Variants in CSMD1 observed in about 807,000 individuals in gnomAD.
CSMD1 encodes CUB and Sushi multiple domains 1.
In CSMD1, 213 loss-of-function variants were observed where a neutral mutation model predicts 417.5. The observed-to-expected ratio is 0.51, with a 90% CI of 0.46 to 0.57. CSMD1 has a LOEUF of 0.57. Ranked by LOEUF, CSMD1 falls within the 20% of genes least tolerant of loss-of-function variation. The probability of loss-of-function intolerance (pLI) is 0.00; values close to 1 mark genes in which losing one functional copy is unlikely to be tolerated. For missense variants in CSMD1, 6,923 were observed against 4,529.7 expected (o/e 1.53, Z -15.17); for synonymous variants, 2,862 against 1,736.8 (o/e 1.65, Z -16.11).
At chr8:4,549,896 C>CAAAAAAAAAAAAAAAAAA in intron 2 of CSMD1, among the ~76,000 whole-genome samples, 1 of 88,654 alleles carries the variant, frequency 1.1e-5, no homozygotes, top group Non-Finnish European at 2.1e-5. Flanking sequence ...GACTTTGTCT[C>CAAAAAAAAAAAAAAAAAA]AAAAAAAAAA....
intron 7 of CSMD1, among the ~76,000 whole-genome samples, chr8:3,617,812 C>A (rs1445454311): frequency 6.6e-6 from 1 of 152,126 alleles, no homozygotes; most frequent in Non-Finnish European, 1.5e-5. Context: ...AGCTGATTTA[C>A]TATAGCGTAA....
At chr8:3,944,157 T>C (rs1811074330) in intron 5 of CSMD1, among the ~76,000 whole-genome samples, 1 of 152,160 alleles carries the variant, frequency 6.6e-6, no homozygotes, top group Non-Finnish European at 1.5e-5. Flanking sequence ...ACAGAATTTT[T>C]TTACTGTTTA....
intron 3 of CSMD1, among the ~76,000 whole-genome samples, chr8:4,032,386 A>G (rs930029030): frequency 3.3e-5 from 5 of 152,190 alleles, no homozygotes; most frequent in South Asian, 2.1e-4. Flanking sequence ...TGTCTGGATT[A>G]TATTTTTCTA....
In CSMD1 at chr8:3,857,801, C is replaced by T. The variant is rs531528936; in HGVS notation, c.819-103759G>A. Among the ~76,000 whole-genome samples the T allele has an allele frequency of 2.0e-3, 310 of 152,218 alleles. 1 individual carries two copies. Among genetic ancestry groups the T allele is most frequent in the Non-Finnish European group, 2.1e-3 (143 of 68,014 alleles). On this transcript the variant is annotated intron_variant, in intron 5 of 69. Coordinates refer to ENST00000635120, the MANE Select transcript of CSMD1 (RefSeq NM_033225.6). ...GCAATGGGGGAAAAGGATACAACAC[C>T]AGGCCAGAGTAGAAAAGAGCTTATT...
intron 10 of CSMD1, among the ~76,000 whole-genome samples, chr8:3,570,123 G>C (rs1585386454): frequency 6.6e-6 from 1 of 152,176 alleles, no homozygotes; most frequent in African/African-American, 2.4e-5. Context: ...TTTTGGACAA[G>C]TTTAAAAGTC....
At chr8:3,301,086 C>T (rs949311340) in intron 25 of CSMD1, among the ~76,000 whole-genome samples, 1 of 151,570 alleles carries the variant, frequency 6.6e-6, no homozygotes, top group Non-Finnish European at 1.5e-5. Context: ...AAGACATTTG[C>T]CATTGATGTC....
intron 41 of CSMD1, among the ~76,000 whole-genome samples, chr8:3,130,156 T>A (rs1025050495): frequency 1.3e-5 from 2 of 152,154 alleles, no homozygotes; most frequent in African/African-American, 4.8e-5. Context: ...AAGATCATGC[T>A]CATTAAAAAT....
chr8:4,557,685 A>G (rs778837003), intron 2 of CSMD1, among the ~76,000 whole-genome samples: 2 of 152,102 alleles, frequency 1.3e-5, no homozygotes, highest in Non-Finnish European at 2.9e-5. Flanking sequence ...GAAGAAAGGA[A>G]TAGAAGGAAG....
chr8:3,307,081 T>G (rs1168071759), intron 25 of CSMD1, among the ~76,000 whole-genome samples: 3 of 152,212 alleles, frequency 2.0e-5, no homozygotes, highest in Non-Finnish European at 4.4e-5. Context: ...CAAGTCTTTT[T>G]AAAATATGAC....
chr8:4,047,939 A>G (rs1798233368), intron 3 of CSMD1, among the ~76,000 whole-genome samples: 2 of 152,188 alleles, frequency 1.3e-5, no homozygotes, highest in African/African-American at 2.4e-5. Flanking sequence ...TGTTTTCCCA[A>G]AAATATAATG....
At chr8:3,472,051 C>G (rs1817135317) in intron 11 of CSMD1, among the ~76,000 whole-genome samples, 2 of 152,228 alleles carry the variant, frequency 1.3e-5, no homozygotes, top group South Asian at 4.1e-4. Context: ...TGCAACATGA[C>G]TCTACTGCTG....
At chr8:3,946,296 T>A (rs1811219365) in intron 5 of CSMD1, among the ~76,000 whole-genome samples, 1 of 152,154 alleles carries the variant, frequency 6.6e-6, no homozygotes, top group Non-Finnish European at 1.5e-5. Context: ...ATCTCCTCAG[T>A]GGAAGTGTTA....
intron 5 of CSMD1, among the ~76,000 whole-genome samples, chr8:3,809,251 C>T (rs924227696): frequency 1.3e-5 from 2 of 152,118 alleles, no homozygotes; most frequent in African/African-American, 2.4e-5. Flanking sequence ...GACTTCTGAC[C>T]AGCTGGGTCA....
chr8:4,439,615 G>A (rs1184374121), intron 2 of CSMD1, among the ~76,000 whole-genome samples: 1 of 152,060 alleles, frequency 6.6e-6, no homozygotes, highest in Non-Finnish European at 1.5e-5. Flanking sequence ...TTTGTTTTAA[G>A]GTAAAGTAAA....
At chr8:3,940,410 G>A (rs1166146521) in intron 5 of CSMD1, among the ~76,000 whole-genome samples, 4 of 151,688 alleles carry the variant, frequency 2.6e-5, no homozygotes, top group Non-Finnish European at 4.4e-5. Flanking sequence ...TGACAAAAAT[G>A]TTTATAATAT....
chr8:4,574,252 G>A (rs1015965990), intron 2 of CSMD1, among the ~76,000 whole-genome samples: 1 of 152,212 alleles, frequency 6.6e-6, no homozygotes, highest in South Asian at 2.1e-4. Flanking sequence ...CCCTGGTGGT[G>A]TAGGCATCTG....
chr8:3,735,410 C>A (rs1205591669), intron 6 of CSMD1, among the ~76,000 whole-genome samples: 2 of 152,140 alleles, frequency 1.3e-5, no homozygotes, highest in Non-Finnish European at 2.9e-5. Flanking sequence ...TTACAAAATC[C>A]TTAGATGATT....
Position 3,357,700 on chromosome 8 carries a change from A to G in CSMD1, c.3304+1452T>C, listed in dbSNP as rs1358374113. Among the ~76,000 whole-genome samples, 5 of 152,148 alleles carry G rather than the reference A, an allele frequency of 3.3e-5. No homozygotes were observed. In the South Asian group the frequency reaches 6.2e-4, roughly 19 times the overall value. On this transcript the variant is annotated intron_variant, in intron 21 of 69. Transcript: ENST00000635120. ...GGGGGTTTTGTCCAGATTTCAAACT[A>G]TCTCAGTCAGGAGTCTTTAGACTCC...
At position 3,000,026 on chromosome 8, in the gene CSMD1, A is replaced by G; in HGVS notation, c.8135T>C (p.Leu2712Pro). 2 of 1,607,564 alleles carry G rather than the reference A, an allele frequency of 1.2e-6. No individual in the cohort carries two copies. The highest frequency in any genetic ancestry group is 1.7e-6 in the Non-Finnish European group (2 of 1,178,784). The change falls in exon 53 of 70, where the codon CTT becomes CCT. Residue 2712 changes from leucine to proline, a missense_variant. Physicochemically the swap from Leu to Pro is moderately conservative, Grantham distance 98 (BLOSUM62 -3). Transcript: ENST00000635120. The stretch of plus-strand genomic sequence containing the variant: ...GCATATCCTCACGGAAGTTCCCACA[A>G]GCCGGAAACCAGGATTGCACTGGTA... ...VVYQCNPGFR[L>P]VGTSVRICLQ...
Sources: gnomAD v4.1 joint callset for allele counts (sites outside exome capture counted in the v4.1 genomes callset) on GRCh38, gnomAD v4.1.1 for gene constraint, MANE v1.5 for transcripts, NCBI Gene and HGNC (gene_info 2026-07-23, HGNC 2026-07-21) for gene names.